Variants in SLC16A10 observed in about 807,000 individuals in gnomAD.
SLC16A10 encodes monocarboxylate transporter 10.
In SLC16A10, 27 loss-of-function variants were observed where a neutral mutation model predicts 40.0. That is an observed-to-expected ratio of 0.67 (90% CI 0.50 to 0.93). The LOEUF is 0.93. Ranked by LOEUF, SLC16A10 falls within the 40% of genes least tolerant of loss-of-function variation. The pLI, the probability that SLC16A10 is intolerant of heterozygous loss-of-function variation, is 0.00. For synonymous variants in SLC16A10, 213 were observed against 249.8 expected (o/e 0.85, Z 1.39); for missense variants, 529 against 658.2 (o/e 0.80, Z 2.15).
chr6:111,125,447 C>T (rs1771658379), intron 1 of SLC16A10, among the ~76,000 whole-genome samples: 1 of 152,096 alleles, frequency 6.6e-6, no homozygotes, highest in Non-Finnish European at 1.5e-5. Context: ...TAAGATATAA[C>T]ACCTTACCAT....
chr6:111,224,557 A>G lies in SLC16A10; in HGVS notation c.*2322A>G, dbSNP rs1770956913. On this transcript the variant is annotated 3_prime_UTR_variant, in exon 6 of 6. Coordinates refer to ENST00000368851, the MANE Select transcript of SLC16A10 (RefSeq NM_018593.5). ...TTTTCAGTTTAATGGAATGAATCAAACTGGATCTATAACACTGAAAAAGTT... is the reference window on the plus strand; with the variant it reads ...TTTTCAGTTTAATGGAATGAATCAAGCTGGATCTATAACACTGAAAAAGTT... 1 of 152,216 alleles carries G rather than the reference A, an allele frequency of 6.6e-6. No individual in the cohort carries two copies. Among genetic ancestry groups the G allele is most frequent in the Non-Finnish European group, 1.5e-5 (1 of 68,036 alleles). The allele number at this position is 152,216 out of a possible 1,614,324, so 9.4% of individuals were successfully genotyped here.
chr6:111,115,907 A>C (rs1336172108), intron 1 of SLC16A10, among the ~76,000 whole-genome samples: 1 of 152,132 alleles, frequency 6.6e-6, no homozygotes, highest in Non-Finnish European at 1.5e-5. Flanking sequence ...TGAGGAATCA[A>C]AGGACTGAAG....
At chr6:111,124,727 G>T (rs948719379) in intron 1 of SLC16A10, among the ~76,000 whole-genome samples, 2 of 152,164 alleles carry the variant, frequency 1.3e-5, no homozygotes, top group African/African-American at 4.8e-5. Flanking sequence ...AGTAGGAATG[G>T]CAGAGAGTAA....
chr6:111,087,958 G>A lies in SLC16A10; in HGVS notation c.206G>A (p.Trp69Ter). The change falls in exon 1 of 6, where the codon TGG becomes TAG. Residue 69 changes from tryptophan to a stop codon, truncating the protein, a stop_gained. Coordinates refer to ENST00000368851, the MANE Select transcript of SLC16A10 (RefSeq NM_018593.5). LOFTEE classifies it high-confidence loss of function. ...HEPPEPPEGG[W>*]GWLVMLAAMW... Reference sequence around the variant, plus strand: ...CCCCCCGAACCCCCCGAGGGCGGCTGGGGCTGGCTGGTGATGCTGGCGGCC... The same window carrying A: ...CCCCCCGAACCCCCCGAGGGCGGCTAGGGCTGGCTGGTGATGCTGGCGGCC... 2 of 1,610,736 alleles carry A rather than the reference G, an allele frequency of 1.2e-6. No homozygotes were observed. Among genetic ancestry groups the A allele is most frequent in the Admixed American group, 1.7e-5 (1 of 59,758 alleles).
chr6:111,218,818 T>C lies in SLC16A10; in HGVS notation c.1091T>C (p.Leu364Pro). The C allele has an allele frequency of 6.2e-7, 1 of 1,614,106 alleles. No individual in the cohort carries two copies. Among genetic ancestry groups the C allele is most frequent in the Non-Finnish European group, 8.5e-7 (1 of 1,179,968 alleles). The change falls in exon 5 of 6, where the codon CTC becomes CCC. Residue 364 changes from leucine (L) to proline (P), a missense_variant. Physicochemically the swap from Leu to Pro is moderately conservative, Grantham distance 98. Coordinates refer to ENST00000368851, the MANE Select transcript of SLC16A10 (RefSeq NM_018593.5). ...PGVKKVYLQV[L>P]SFFFIGLMSM... Reference sequence around the variant, plus strand: ...ACCTTGTGGTGTCCGTCCTAGGTACTCTCCTTTTTCTTCATTGGTCTGATG... The same window carrying C: ...ACCTTGTGGTGTCCGTCCTAGGTACCCTCCTTTTTCTTCATTGGTCTGATG...
intron 1 of SLC16A10, among the ~76,000 whole-genome samples, chr6:111,121,432 GT>G (rs2114475414): frequency 1.3e-5 from 2 of 152,306 alleles, no homozygotes; most frequent in South Asian, 4.2e-4. Context: ...GTGGTGGCGT[GT>G]GCCTGTAGTA....
intron 3 of SLC16A10, 99 bp from the exon 4 acceptor site, chr6:111,206,493 C>T (rs402014): frequency 0.58 from 753,761 of 1,306,100 alleles, 219,045 homozygotes; most frequent in East Asian, 0.71. Flanking sequence ...GTTGCAAGCC[C>T]ATAACATTGC....
chr6:111,096,002 A>G (rs1771067958), intron 1 of SLC16A10, among the ~76,000 whole-genome samples: 1 of 152,182 alleles, frequency 6.6e-6, no homozygotes. Context: ...CATTACCTCC[A>G]TGGATAGATA....
At chr6:111,173,811 A>T (rs1772630252) in intron 2 of SLC16A10, among the ~76,000 whole-genome samples, 1 of 152,202 alleles carries the variant, frequency 6.6e-6, no homozygotes, top group African/African-American at 2.4e-5. Context: ...TTGTATAATT[A>T]TTTCATTATA....
chr6:111,121,019 A>C (rs1398958215), intron 1 of SLC16A10, among the ~76,000 whole-genome samples: 1 of 152,212 alleles, frequency 6.6e-6, no homozygotes, highest in Non-Finnish European at 1.5e-5. Context: ...AAAAAAATAT[A>C]TATTTTTGTC....
Position 111,137,223 on chromosome 6 carries a change from G to A in SLC16A10, c.344-35472G>A, listed in dbSNP as rs1445629697. Among the ~76,000 whole-genome samples, 3 of 152,186 alleles carry A rather than the reference G, an allele frequency of 2.0e-5. No homozygotes were observed. In the East Asian group the frequency reaches 5.8e-4, roughly 29 times the overall value. ...AGAAATAGAATGGGAAACCTCATGA[G>A]GACGTAGTTTCCTCCTCAGGATGGC... is the stretch of plus-strand genomic sequence containing the variant. On this transcript the variant is annotated intron_variant, in intron 1 of 5. Transcript: ENST00000368851.
intron 1 of SLC16A10, among the ~76,000 whole-genome samples, chr6:111,113,444 A>C (rs1444373294): frequency 1.3e-5 from 2 of 152,206 alleles, no homozygotes; most frequent in African/African-American, 4.8e-5. Flanking sequence ...GGGGAAGAAG[A>C]AGCTATCAGG....
At chr6:111,168,552 G>T (rs560023189) in intron 1 of SLC16A10, among the ~76,000 whole-genome samples, 1 of 152,298 alleles carries the variant, frequency 6.6e-6, no homozygotes, top group African/African-American at 2.4e-5. Flanking sequence ...ATATATCATA[G>T]GTCGTAAGAC....
intron 1 of SLC16A10, among the ~76,000 whole-genome samples, chr6:111,109,650 G>GTA (rs1055821821): frequency 1.3e-5 from 2 of 151,860 alleles, no homozygotes; most frequent in African/African-American, 4.8e-5. Flanking sequence ...GGGGGTCTCT[G>GTA]TATATTGCCC....
At chr6:111,168,270 A>G (rs1011855029) in intron 1 of SLC16A10, among the ~76,000 whole-genome samples, 2 of 152,148 alleles carry the variant, frequency 1.3e-5, no homozygotes, top group Non-Finnish European at 2.9e-5. Context: ...GTGAGCCAAC[A>G]CGCCTGGCCG....
At chr6:111,116,796 A>G (rs1328935005) in intron 1 of SLC16A10, among the ~76,000 whole-genome samples, 1 of 152,118 alleles carries the variant, frequency 6.6e-6, no homozygotes, top group Non-Finnish European at 1.5e-5. Flanking sequence ...ATTGGTAAAA[A>G]TTTTTGTACT....
intron 1 of SLC16A10, among the ~76,000 whole-genome samples, chr6:111,128,969 G>T (rs1771732729): frequency 8.1e-6 from 1 of 122,730 alleles, no homozygotes. Context: ...CATTTCAATT[G>T]TTTTATTTTT....
chr6:111,121,829 T>G (rs1204842320), intron 1 of SLC16A10, among the ~76,000 whole-genome samples: 3 of 152,088 alleles, frequency 2.0e-5, no homozygotes, highest in Non-Finnish European at 2.9e-5. Context: ...TCTTGAAAAT[T>G]TTTAATAATT....
chr6:111,178,377 T>C (rs1336044685), intron 3 of SLC16A10: 6 of 532,466 alleles, frequency 1.1e-5, no homozygotes, highest in Non-Finnish European at 2.3e-5. Flanking sequence ...TCAAGAAGTT[T>C]ATATTGTTTA....
Sources: allele counts gnomAD v4.1 joint callset (sites outside exome capture counted in the v4.1 genomes callset), GRCh38; gene constraint gnomAD v4.1.1; transcripts MANE v1.5; gene names NCBI Gene and HGNC (gene_info 2026-07-23, HGNC 2026-07-21).